The following JPH3 variants were observed in gnomAD, a reference collection of about 807,000 sequenced individuals.
JPH3 encodes the protein junctophilin 3.
A neutral mutation model predicts 59.6 loss-of-function variants in JPH3; 11 were observed. The observed-to-expected ratio is 0.18, with a 90% CI of 0.12 to 0.31. The LOEUF (loss-of-function observed/expected upper bound fraction) is 0.31, where lower values mean the gene tolerates loss of function less well. Ranked by LOEUF, JPH3 falls within the 10% of genes least tolerant of loss-of-function variation. JPH3 has a pLI of 1.00. For missense variants in JPH3, 1,202 were observed against 1,105.7 expected (o/e 1.09, Z -1.24); for synonymous variants, 673 against 483.6 (o/e 1.39, Z -5.14).
chr16:87,638,208 C>G (rs190967167), intron 1 of JPH3, among the ~76,000 whole-genome samples: 2 of 152,182 alleles, frequency 1.3e-5, no homozygotes, highest in African/African-American at 4.8e-5. Flanking sequence ...CATGAGCCAC[C>G]ACACCCGGCC....
intron 2 of JPH3, among the ~76,000 whole-genome samples, chr16:87,661,436 C>T (rs1248441824): frequency 6.6e-6 from 1 of 152,262 alleles, no homozygotes; most frequent in Non-Finnish European, 1.5e-5. Flanking sequence ...CCCTTTGCAT[C>T]TGCAGATAGC....
chr16:87,628,812 CAG>C (rs1405706734), intron 1 of JPH3, among the ~76,000 whole-genome samples: 1 of 152,036 alleles, frequency 6.6e-6, no homozygotes, highest in Non-Finnish European at 1.5e-5. Flanking sequence ...TAAGAGAAAG[CAG>C]AGTCGGTCCC....
intron 2 of JPH3, among the ~76,000 whole-genome samples, chr16:87,668,051 C>T (rs2032918270): frequency 1.3e-5 from 2 of 152,298 alleles, no homozygotes; most frequent in South Asian, 2.1e-4. Flanking sequence ...GCTGGTTTGC[C>T]CTGGGGATCC....
chr16:87,623,277 A>G (rs545822438), intron 1 of JPH3, among the ~76,000 whole-genome samples: 3 of 152,304 alleles, frequency 2.0e-5, no homozygotes, highest in South Asian at 4.1e-4. Context: ...GTATCCATAG[A>G]GGGCTGCAGG....
chr16:87,661,117 G>C (rs1055494480), intron 2 of JPH3, among the ~76,000 whole-genome samples: 4 of 152,182 alleles, frequency 2.6e-5, no homozygotes, highest in African/African-American at 9.7e-5. Context: ...GCCTTTCCCA[G>C]CTTCCAGAGG....
chr16:87,611,369 G>C lies in JPH3; in HGVS notation c.382+7841G>C, dbSNP rs1454535995. Among the ~76,000 whole-genome samples the C allele has an allele frequency of 6.6e-6, 1 of 152,168 alleles. No individual in the cohort carries two copies. The highest frequency in any genetic ancestry group is 1.5e-5 in the Non-Finnish European group (1 of 68,032). On this transcript the variant is annotated intron_variant, in intron 1 of 4. Transcript: ENST00000284262. This position sits in a 1 kb window ranked among gnomAD's most constrained non-coding sequence, Gnocchi z 4.5. The stretch of plus-strand genomic sequence containing the variant: ...GCAGTGCCTGAGTTGAGTCTGGAAG[G>C]GCAGTAGGGTGAGAGTTGTTATCCC...
intron 1 of JPH3, among the ~76,000 whole-genome samples, chr16:87,633,666 G>T (rs1040093406): frequency 1.3e-5 from 2 of 151,970 alleles, no homozygotes; most frequent in South Asian, 4.2e-4. Context: ...GGGTGTGGTG[G>T]CGGGCGCCTG....
chr16:87,613,663 G>C (rs1169095136), intron 1 of JPH3, among the ~76,000 whole-genome samples: 1 of 152,122 alleles, frequency 6.6e-6, no homozygotes, highest in Non-Finnish European at 1.5e-5. Flanking sequence ...GCAGTTGGTT[G>C]AATTTGTGGA....
At chr16:87,694,819 C>G (rs1327365640) in intron 4 of JPH3, 1 of 191,848 alleles carries the variant, frequency 5.2e-6, no homozygotes, top group African/African-American at 2.4e-5. Flanking sequence ...TTGCTGTCCC[C>G]TCCTCCCCCA....
At chr16:87,647,074 GA>G in intron 2 of JPH3, among the ~76,000 whole-genome samples, 1 of 152,204 alleles carries the variant, frequency 6.6e-6, no homozygotes, top group Non-Finnish European at 1.5e-5. Context: ...GAAGGCCTGT[GA>G]AGCTTAGGTG....
intron 1 of JPH3, among the ~76,000 whole-genome samples, chr16:87,642,584 T>G (rs1041359046): frequency 2.0e-5 from 3 of 152,102 alleles, no homozygotes; most frequent in African/African-American, 4.8e-5. Flanking sequence ...CCACCGTGAG[T>G]TGGAAGAGTG....
chr16:87,670,958 A>T (rs895799868), intron 2 of JPH3, among the ~76,000 whole-genome samples: 4 of 152,122 alleles, frequency 2.6e-5, no homozygotes, highest in Non-Finnish European at 2.9e-5. Flanking sequence ...TCCCTGAATC[A>T]GTGTGGTGTG....
intron 3 of JPH3, chr16:87,684,589 C>G (rs74039457): frequency 0.11 from 38,029 of 346,598 alleles, 2,689 homozygotes; most frequent in Admixed American, 0.2. Context: ...CCGCCCTCCC[C>G]CAGTGTTGTT....
Position 87,603,159 on chromosome 16 carries a change from G to A in JPH3, c.13G>A (p.Gly5Ser). The change falls in exon 1 of 5, where the codon GGC (glycine) becomes AGC (serine). Residue 5 changes from glycine to serine, a missense_variant. Physicochemically the swap from Gly to Ser is moderately conservative, Grantham distance 56 (BLOSUM62 0). Coordinates refer to ENST00000284262, the MANE Select transcript of JPH3 (RefSeq NM_020655.4). ...CCGAGTTACATGCATGTCCAGTGGG[G>A]GCAGGTTTAATTTTGACGACGGAGG... MSSG[G>S]RFNFDDGGSY... 1 of 1,613,950 alleles carries A rather than the reference G, an allele frequency of 6.2e-7. No homozygotes were observed. Among genetic ancestry groups the A allele is most frequent in the Non-Finnish European group, 8.5e-7 (1 of 1,179,904 alleles).
At position 87,673,197 on chromosome 16, in the gene JPH3, C is replaced by T. The variant is rs548849972; in HGVS notation, c.1161-10945C>T. ...AACATAATAAAAGCTGGTTTCCTTA[C>T]TGCATAAAACACTTCTACAAATCGA... is the stretch of plus-strand genomic sequence containing the variant. On this transcript the variant is annotated intron_variant, in intron 2 of 4. Transcript: ENST00000284262. Among the ~76,000 whole-genome samples the T allele has an allele frequency of 3.3e-5, 5 of 151,826 alleles. No homozygotes were observed. In the South Asian group the frequency reaches 1.0e-3, roughly 32 times the overall value.
intron 2 of JPH3, among the ~76,000 whole-genome samples, chr16:87,645,295 C>T (rs1282349940): frequency 6.6e-6 from 1 of 152,212 alleles, no homozygotes; most frequent in Non-Finnish European, 1.5e-5. Context: ...TGAGCAGTGT[C>T]TCTTTGTTCT....
At chr16:87,650,040 C>A (rs1314844330) in intron 2 of JPH3, among the ~76,000 whole-genome samples, 1 of 152,154 alleles carries the variant, frequency 6.6e-6, no homozygotes, top group African/African-American at 2.4e-5. Context: ...TGGGGGCAGG[C>A]CCACCTTGAT....
At chr16:87,656,869 G>C (rs550989362) in intron 2 of JPH3, among the ~76,000 whole-genome samples, 1 of 152,258 alleles carries the variant, frequency 6.6e-6, no homozygotes, top group African/African-American at 2.4e-5. Flanking sequence ...TGGTGCCTGT[G>C]GTGTTCCGAC....
At chr16:87,609,490 C>A (rs900926174) in intron 1 of JPH3, among the ~76,000 whole-genome samples, 1 of 152,184 alleles carries the variant, frequency 6.6e-6, no homozygotes, top group Admixed American at 6.5e-5. Context: ...TGGTCTTGAA[C>A]TGAACTCAGG....
Sources: gnomAD v4.1 joint callset for allele counts (sites outside exome capture counted in the v4.1 genomes callset) on GRCh38, gnomAD v4.1.1 for gene constraint, Gnocchi (gnomAD v3.1) non-coding constraint, MANE v1.5 for transcripts, NCBI Gene and HGNC (gene_info 2026-07-23, HGNC 2026-07-21) for gene names.